PPM1H: variants seen among roughly 807,000 people sequenced by gnomAD.
PPM1H encodes protein phosphatase 1H.
Under a neutral mutation model 54.9 loss-of-function variants are expected in PPM1H, and 27 were observed. The ratio of observed to expected loss-of-function variants is 0.49; its 90% CI spans 0.36 to 0.68. PPM1H has a LOEUF of 0.68. Among genes scored for constraint, PPM1H ranks in the 30% least tolerant of loss-of-function variants. PPM1H has a pLI of 0.00. For missense variants in PPM1H, 596 were observed against 667.8 expected (o/e 0.89, Z 1.19); for synonymous variants, 305 against 270.8 (o/e 1.13, Z -1.24).
At chr12:62,668,620 G>A (rs1381964107) in intron 8 of PPM1H, among the ~76,000 whole-genome samples, 3 of 152,102 alleles carry the variant, frequency 2.0e-5, no homozygotes, top group Non-Finnish European at 4.4e-5. Context: ...CAAGGGATCC[G>A]CCTGCTTCAG....
intron 1 of PPM1H, among the ~76,000 whole-genome samples, chr12:62,894,071 CT>C (rs2121091578): frequency 6.6e-6 from 1 of 152,232 alleles, no homozygotes; most frequent in East Asian, 1.9e-4. Flanking sequence ...AAGCTCTCAG[CT>C]AAATGCAGCC....
chr12:62,674,248 G>A lies in PPM1H; in HGVS notation c.1246-6919C>T, dbSNP rs148603007. Among the ~76,000 whole-genome samples, 312 of 152,242 alleles carry A rather than the reference G, an allele frequency of 2.0e-3. 1 individual carries two copies. The highest frequency in any genetic ancestry group is 7.0e-3 in the African/African-American group (291 of 41,530). ...TTAAGAGTGGGCTCAGGGAAACTGGGATTCAATTCCCAAAGTCTCATTTAA... is the reference window on the plus strand; with the variant it reads ...TTAAGAGTGGGCTCAGGGAAACTGGAATTCAATTCCCAAAGTCTCATTTAA... On this transcript the variant is annotated intron_variant, in intron 8 of 9. Coordinates refer to ENST00000228705, the MANE Select transcript of PPM1H (RefSeq NM_020700.2).
intron 2 of PPM1H, among the ~76,000 whole-genome samples, chr12:62,808,459 A>G (rs1394220645): frequency 1.3e-5 from 2 of 152,190 alleles, no homozygotes; most frequent in African/African-American, 2.4e-5. Flanking sequence ...AGTTGCAACC[A>G]GAGTGATTTT....
rs372979512 is a variant in PPM1H, at chr12:62,737,232, AC to A, written c.954+269del. Among the ~76,000 whole-genome samples, 748 of 148,618 alleles carry A rather than the reference AC, an allele frequency of 5.0e-3. 8 individuals are homozygous for A. The highest frequency in any genetic ancestry group is 0.018 in the African/African-American group (712 of 39,000). On this transcript the variant is annotated intron_variant, in intron 5 of 9. Transcript: ENST00000228705. ...AAGAAGCCATTAAAAAAAAAAAAAA[AC>A]AAAAAAAACAAAACCAGAGCACACC... is the stretch of plus-strand genomic sequence containing the variant.
chr12:62,656,149 T>C (rs192701123), intron 9 of PPM1H, among the ~76,000 whole-genome samples: 9 of 152,350 alleles, frequency 5.9e-5, no homozygotes, highest in Admixed American at 2.0e-4. Flanking sequence ...TCTGTTGCTG[T>C]CCTTAGTTCT....
chr12:62,673,737 T>TTTTTTTTTTTTTTTTG (rs2075970069), intron 8 of PPM1H, among the ~76,000 whole-genome samples: 1 of 117,490 alleles, frequency 8.5e-6, no homozygotes, highest in Non-Finnish European at 1.7e-5. Context: ...TTTTTTTTTT[T>TTTTTTTTTTTTTTTTG]TTTTTTGAGA....
At chr12:62,909,540 G>T (rs186286715) in intron 1 of PPM1H, among the ~76,000 whole-genome samples, 135 of 152,156 alleles carry the variant, frequency 8.9e-4, no homozygotes, top group African/African-American at 2.8e-3. Context: ...ATTTCTGCTG[G>T]CCAGCACACT....
At chr12:62,656,793 A>G (rs750369666) in intron 9 of PPM1H, among the ~76,000 whole-genome samples, 14 of 152,072 alleles carry the variant, frequency 9.2e-5, no homozygotes, top group South Asian at 4.2e-4. Flanking sequence ...TAAGAGGTAG[A>G]AAAGCTCTCC....
intron 4 of PPM1H, among the ~76,000 whole-genome samples, chr12:62,743,936 T>C (rs1417283827): frequency 6.6e-6 from 1 of 152,168 alleles, no homozygotes; most frequent in Non-Finnish European, 1.5e-5. Context: ...GAATGGAAAT[T>C]GTTACACCTT....
chr12:62,829,420 T>C (rs1373313156), intron 2 of PPM1H, among the ~76,000 whole-genome samples: 1 of 152,110 alleles, frequency 6.6e-6, no homozygotes, highest in Non-Finnish European at 1.5e-5. Flanking sequence ...GTTCTGGAGA[T>C]GATGAGGGTG....
intron 8 of PPM1H, among the ~76,000 whole-genome samples, chr12:62,674,188 C>A (rs893716223): frequency 1.3e-5 from 2 of 152,176 alleles, no homozygotes; most frequent in African/African-American, 4.8e-5. Flanking sequence ...AGGGCAACCA[C>A]ATCTGAATAT....
In PPM1H at chr12:62,844,892, G is replaced by GA. The variant is rs147554981; in HGVS notation, c.246-12614dup. ...CCTCATTTGATTTCTGCATTCCATA[G>GA]AAAAAAATTAATTATAAGCACTTCT... On this transcript the variant is annotated intron_variant, in intron 1 of 9. Transcript: ENST00000228705. This position sits in a 1 kb window ranked among gnomAD's most constrained non-coding sequence, Gnocchi z 5.2. 2.6e-5 allele frequency among the ~76,000 whole-genome samples: 4 copies of GA among 152,136 alleles called. No individual in the cohort carries two copies. Among genetic ancestry groups the GA allele is most frequent in the Non-Finnish European group, 4.4e-5 (3 of 68,018 alleles).
chr12:62,724,091 C>T (rs910824617), intron 5 of PPM1H, among the ~76,000 whole-genome samples: 1 of 152,168 alleles, frequency 6.6e-6, no homozygotes, highest in Admixed American at 6.5e-5. Flanking sequence ...AACAAACAGG[C>T]CTTGCTAAGT....
intron 2 of PPM1H, among the ~76,000 whole-genome samples, chr12:62,826,270 C>A (rs1370629765): frequency 1.3e-5 from 2 of 152,034 alleles, no homozygotes. Context: ...GCCAACATGG[C>A]GAAACCCTGT....
intron 1 of PPM1H, among the ~76,000 whole-genome samples, chr12:62,858,590 A>C (rs752219502): frequency 2.6e-5 from 4 of 152,202 alleles, no homozygotes; most frequent in Non-Finnish European, 5.9e-5. Context: ...GTAAACTGCC[A>C]TTCCTATAGT....
At chr12:62,917,408 A>G (rs1332499539) in intron 1 of PPM1H, among the ~76,000 whole-genome samples, 1 of 152,186 alleles carries the variant, frequency 6.6e-6, no homozygotes, top group Non-Finnish European at 1.5e-5. Flanking sequence ...GGTCAGTAAG[A>G]GCTTTCAATT....
Position 62,801,960 on chromosome 12 carries a change from C to T in PPM1H, c.612G>A (p.Arg204=). 1 of 1,612,690 alleles carries T rather than the reference C, an allele frequency of 6.2e-7. No homozygotes were observed. The part of the protein sequence containing the change: ...EEPENTPANS[R]TLTRAASLRG... ...GCAGGGAGGCTGCCCGGGTCAGAGT[C>T]CGGCTGTTGGCGGGCGTGTTCTCAG... Residue 204 remains arginine (R), a synonymous_variant, in exon 3 of 10, where the codon CGG becomes CGA. Transcript: ENST00000228705.
chr12:62,666,867 C>T lies in PPM1H; in HGVS notation c.1397+311G>A, dbSNP rs113021701. ...TAACTGGGATTACAGGTGCCCACCA[C>T]CATGCCCAGCTAATTTTTGTATTTT... On this transcript the variant is annotated intron_variant, in intron 9 of 9. Transcript: ENST00000228705. Among the ~76,000 whole-genome samples the T allele has an allele frequency of 5.3e-3, 807 of 152,310 alleles. 5 individuals are homozygous for T. The highest frequency in any genetic ancestry group is 0.017 in the Middle Eastern group (5 of 294).
chr12:62,815,462 T>C (rs564921151), intron 2 of PPM1H, among the ~76,000 whole-genome samples: 4 of 152,372 alleles, frequency 2.6e-5, no homozygotes, highest in South Asian at 4.1e-4. Flanking sequence ...TTTTGCTAAA[T>C]TGCATTGTGA....
Sources: gnomAD v4.1 joint callset for allele counts (sites outside exome capture counted in the v4.1 genomes callset) on GRCh38, gnomAD v4.1.1 for gene constraint, Gnocchi (gnomAD v3.1) non-coding constraint, MANE v1.5 for transcripts, NCBI Gene and HGNC (gene_info 2026-07-23, HGNC 2026-07-21) for gene names.